Variants in MCPH1 observed in about 807,000 individuals in gnomAD.
The protein encoded by MCPH1 is microcephalin.
Under a neutral mutation model 84.5 loss-of-function variants are expected in MCPH1, and 104 were observed. That is an observed-to-expected ratio of 1.23 (90% CI 1.05 to 1.45). The LOEUF is 1.45. Ranked by LOEUF, MCPH1 falls within the 40% of genes most tolerant of loss-of-function variation. MCPH1 has a pLI of 0.00. For missense variants in MCPH1, 1,498 were observed against 1,005.7 expected (o/e 1.49, Z -6.62); for synonymous variants, 514 against 366.8 (o/e 1.40, Z -4.58).
chr8:6,407,487 CTG>C (rs1563159779), intron 1 of MCPH1, among the ~76,000 whole-genome samples: 1 of 152,102 alleles, frequency 6.6e-6, no homozygotes, highest in East Asian at 1.9e-4. Context: ...GTCCCACCCT[CTG>C]TGCACCTGGA....
chr8:6,530,455 G>C (rs970194363), intron 12 of MCPH1, among the ~76,000 whole-genome samples: 1 of 142,452 alleles, frequency 7.0e-6, no homozygotes, highest in African/African-American at 2.6e-5. Flanking sequence ...GTTGCAGCAA[G>C]TCGAGATCAC....
chr8:6,517,274 T>C (rs1816442590), intron 12 of MCPH1, among the ~76,000 whole-genome samples: 1 of 152,188 alleles, frequency 6.6e-6, no homozygotes, highest in Admixed American at 6.5e-5. Context: ...CTGATATCTT[T>C]CTATAAAGCT....
At chr8:6,517,850 C>A (rs1429253395) in intron 12 of MCPH1, among the ~76,000 whole-genome samples, 1 of 152,158 alleles carries the variant, frequency 6.6e-6, no homozygotes, top group African/African-American at 2.4e-5. Flanking sequence ...CTTACAGAGT[C>A]TTAAGTCTGG....
In MCPH1 at chr8:6,647,520, T is replaced by G. The variant is rs1204462852; in HGVS notation, c.*4471T>G. 6.6e-6 allele frequency: 1 copy of G among 152,138 alleles called. No homozygotes were observed. Among genetic ancestry groups the G allele is most frequent in the Non-Finnish European group, 1.5e-5 (1 of 68,034 alleles). 9.4% of individuals were successfully genotyped at this position (152,138 alleles called of 1,614,324 possible). A position where few individuals can be genotyped will look rare whatever the true frequency, so the allele number is the denominator to read the frequency against. ...TTCATAATAACCAAAAATTAGCCCA[T>G]CAACTGAAAAGTAGATAAACAAAAT... On this transcript the variant is annotated 3_prime_UTR_variant, in exon 14 of 14. Transcript: ENST00000344683.
intron 9 of MCPH1, among the ~76,000 whole-genome samples, chr8:6,472,665 G>C (rs1269930384): frequency 6.6e-6 from 1 of 151,800 alleles, no homozygotes; most frequent in Non-Finnish European, 1.5e-5. Flanking sequence ...ATGGGGTTTC[G>C]CCATGGTGTC....
chr8:6,638,293 T>C (rs1392116321), intron 13 of MCPH1, among the ~76,000 whole-genome samples: 1 of 152,156 alleles, frequency 6.6e-6, no homozygotes, highest in Non-Finnish European at 1.5e-5. Context: ...TGTGGCTAGA[T>C]CTCCTAGCCC....
intron 13 of MCPH1, among the ~76,000 whole-genome samples, chr8:6,627,466 C>T (rs186223041): frequency 6.6e-6 from 1 of 152,332 alleles, no homozygotes. Context: ...AGACACAATT[C>T]AGACAATATG....
chr8:6,504,813 T>C (rs1263182078), intron 12 of MCPH1, among the ~76,000 whole-genome samples: 1 of 152,166 alleles, frequency 6.6e-6, no homozygotes, highest in African/African-American at 2.4e-5. Context: ...TTTGTAAGTA[T>C]GTGTGAACAG....
intron 12 of MCPH1, among the ~76,000 whole-genome samples, chr8:6,523,471 C>G (rs1056783599): frequency 6.6e-6 from 1 of 152,142 alleles, no homozygotes; most frequent in Non-Finnish European, 1.5e-5. Context: ...AGTTCCTGTC[C>G]ATTAAGCCAG....
Position 6,467,963 on chromosome 8 carries a change from C to T in MCPH1, c.1936-9631C>T, listed in dbSNP as rs943057299. On this transcript the variant is annotated intron_variant, in intron 9 of 13. Coordinates refer to ENST00000344683, the MANE Select transcript of MCPH1 (RefSeq NM_024596.5). ...ACGTGTCTGTTTCTCAAAATAGTAG[C>T]ACTAGCCAGGAAATCCATGAATTTG... 2.0e-5 allele frequency among the ~76,000 whole-genome samples: 3 copies of T among 152,146 alleles called. No homozygotes were observed. In the South Asian group the frequency reaches 6.2e-4, roughly 32 times the overall value.
chr8:6,543,856 C>T (rs1466766181), intron 12 of MCPH1, among the ~76,000 whole-genome samples: 2 of 152,148 alleles, frequency 1.3e-5, no homozygotes, highest in Non-Finnish European at 2.9e-5. Context: ...CTTTAAGGAG[C>T]TGTACATCTG....
chr8:6,514,782 C>A (rs2129567832), intron 12 of MCPH1: 2 of 1,613,554 alleles, frequency 1.2e-6, no homozygotes, highest in Middle Eastern at 3.3e-4. Context: ...AGTAGGCCTG[C>A]AAACAGGAAT....
chr8:6,441,502 A>T (rs1211709557), intron 6 of MCPH1, among the ~76,000 whole-genome samples: 1 of 152,186 alleles, frequency 6.6e-6, no homozygotes, highest in Non-Finnish European at 1.5e-5. Context: ...CTATTGTATG[A>T]ACCGCCTTTG....
chr8:6,547,004 G>A (rs1189082799), intron 12 of MCPH1, among the ~76,000 whole-genome samples: 2 of 152,080 alleles, frequency 1.3e-5, no homozygotes, highest in African/African-American at 2.4e-5. Flanking sequence ...TTATAACCAC[G>A]GTGTACCTCG....
intron 12 of MCPH1, among the ~76,000 whole-genome samples, chr8:6,613,047 A>G (rs1207253842): frequency 6.6e-6 from 1 of 152,224 alleles, no homozygotes; most frequent in African/African-American, 2.4e-5. Flanking sequence ...GGCGAGAGGC[A>G]TGGGGTTGGC....
intron 12 of MCPH1, among the ~76,000 whole-genome samples, chr8:6,552,875 TTATGATTCCAACTG>T (rs1437729140): frequency 6.6e-6 from 1 of 152,140 alleles, no homozygotes; most frequent in African/African-American, 2.4e-5. Context: ...GCTGTATATT[TTATGATTCCAACTG>T]TATGACATTC....
intron 8 of MCPH1, chr8:6,447,025 C>G: frequency 1.0e-6 from 1 of 983,996 alleles, no homozygotes; most frequent in Non-Finnish European, 1.2e-6. Flanking sequence ...CAGGCAGGGC[C>G]CGGGTGCAAG....
intron 13 of MCPH1, among the ~76,000 whole-genome samples, chr8:6,629,378 C>T (rs1796992036): frequency 6.6e-6 from 1 of 152,212 alleles, no homozygotes; most frequent in African/African-American, 2.4e-5. Context: ...AGGAGAATCC[C>T]TTGAACACAA....
At chr8:6,640,519 C>A (rs569403013) in intron 13 of MCPH1, among the ~76,000 whole-genome samples, 28 of 152,184 alleles carry the variant, frequency 1.8e-4, no homozygotes, top group Non-Finnish European at 2.6e-4. Flanking sequence ...TGTCCTGATC[C>A]CTTAACTGTT....
Sources: gnomAD v4.1 joint callset for allele counts (sites outside exome capture counted in the v4.1 genomes callset) on GRCh38, gnomAD v4.1.1 for gene constraint, MANE v1.5 for transcripts, NCBI Gene and HGNC (gene_info 2026-07-23, HGNC 2026-07-21) for gene names.